Variants in SLC35F3 observed in about 807,000 individuals in gnomAD.
The protein encoded by SLC35F3 is putative thiamine transporter SLC35F3.
SLC35F3 carries 25 observed loss-of-function variants against 49.9 expected under a neutral mutation model. That is an observed-to-expected ratio of 0.50 (90% CI 0.37 to 0.70). The LOEUF is 0.70. Ranked by LOEUF, SLC35F3 falls within the 30% of genes least tolerant of loss-of-function variation. The pLI, the probability that SLC35F3 is intolerant of heterozygous loss-of-function variation, is 0.00. For synonymous variants in SLC35F3, 275 were observed against 265.4 expected, an observed-to-expected ratio of 1.04 and a Z score of -0.35; for missense variants, 525 against 639.8, an observed-to-expected ratio of 0.82 and a Z score of 1.94.
At chr1:234,005,483 A>G (rs1663615078) in intron 2 of SLC35F3, among the ~76,000 whole-genome samples, 1 of 152,158 alleles carries the variant, frequency 6.6e-6, no homozygotes, top group Non-Finnish European at 1.5e-5. Flanking sequence ...TGAAATGAAA[A>G]TAAACCTCCA....
At chr1:233,989,634 A>G (rs879496534) in intron 2 of SLC35F3, among the ~76,000 whole-genome samples, 12 of 152,192 alleles carry the variant, frequency 7.9e-5, no homozygotes, top group Admixed American at 1.3e-4. Context: ...TTCTAGTATT[A>G]TATGAATATT....
At position 234,272,846 on chromosome 1, in the gene SLC35F3, T is replaced by A. The variant is rs571229040; in HGVS notation, c.609-36255T>A. On this transcript the variant is annotated intron_variant, in intron 3 of 7. Coordinates refer to ENST00000366618, the MANE Select transcript of SLC35F3 (RefSeq NM_173508.4). ...GTTTGTTGTTCTCTTGCCTGGCTGC[T>A]GCTTCTCCCAGCCAGTGTGGACAGC... Among the ~76,000 whole-genome samples the A allele has an allele frequency of 5.3e-3, 809 of 152,314 alleles. 7 individuals carry two copies. The highest frequency in any genetic ancestry group is 0.041 in the Middle Eastern group (12 of 294).
intron 3 of SLC35F3, among the ~76,000 whole-genome samples, chr1:234,257,058 C>G (rs12039704): frequency 1.3e-5 from 2 of 152,054 alleles, no homozygotes; most frequent in African/African-American, 4.8e-5. Flanking sequence ...CAACTTAAAA[C>G]GGGTGCATTT....
intron 2 of SLC35F3, among the ~76,000 whole-genome samples, chr1:234,155,291 G>A (rs1467042532): frequency 2.0e-5 from 3 of 152,088 alleles, no homozygotes; most frequent in African/African-American, 7.2e-5. Flanking sequence ...CTTTGGGACA[G>A]ATTGTCTAAT....
intron 2 of SLC35F3, among the ~76,000 whole-genome samples, chr1:234,108,067 A>G (rs2102885499): frequency 6.6e-6 from 1 of 151,380 alleles, no homozygotes; most frequent in South Asian, 2.1e-4. Context: ...GCACTGCTTA[A>G]GTGCTAGCAT....
At chr1:233,922,660 C>T (rs1265695231) in intron 2 of SLC35F3, among the ~76,000 whole-genome samples, 2 of 152,098 alleles carry the variant, frequency 1.3e-5, no homozygotes, top group Non-Finnish European at 2.9e-5. Context: ...AATTAGATCC[C>T]ATTTGTCAAT....
chr1:234,296,492 G>C (rs998470346), intron 3 of SLC35F3, among the ~76,000 whole-genome samples: 2 of 152,198 alleles, frequency 1.3e-5, no homozygotes, highest in Non-Finnish European at 2.9e-5. Flanking sequence ...GGTTCAGAAG[G>C]TCCGTCCTTC....
At chr1:234,058,351 TTTTTTTTC>T (rs1664487610) in intron 2 of SLC35F3, among the ~76,000 whole-genome samples, 2 of 140,058 alleles carry the variant, frequency 1.4e-5, no homozygotes, top group African/African-American at 2.8e-5. Flanking sequence ...TTTTTTTTTT[TTTTTTTTC>T]AGTTAAACAG....
chr1:234,072,661 G>A (rs774987504), intron 2 of SLC35F3, among the ~76,000 whole-genome samples: 4 of 152,166 alleles, frequency 2.6e-5, no homozygotes, highest in Non-Finnish European at 4.4e-5. Context: ...GAAGAACGGT[G>A]TTCCAGGCAG....
At chr1:233,956,003 T>G (rs1048497348) in intron 2 of SLC35F3, among the ~76,000 whole-genome samples, 2 of 147,570 alleles carry the variant, frequency 1.4e-5, no homozygotes, top group African/African-American at 5.0e-5. Context: ...TTCTTCTGCC[T>G]CAGTCTCTCG....
rs552666225 is a variant in SLC35F3, at chr1:234,231,167, G to T, written c.284-250G>T. On this transcript the variant is annotated intron_variant, in intron 2 of 7. Transcript: ENST00000366618. The surrounding 1 kb of genome is among the most constrained non-coding windows in gnomAD (Gnocchi z 5.4). Reference sequence around the variant, plus strand: ...CCAACACGTTCCGGGGACGGACGGGGAAGGGTGCTGACGCTGCCCGGCCCA... The same window carrying T: ...CCAACACGTTCCGGGGACGGACGGGTAAGGGTGCTGACGCTGCCCGGCCCA... Among the ~76,000 whole-genome samples, 11 of 152,330 alleles carry T rather than the reference G, an allele frequency of 7.2e-5. No individual in the cohort carries two copies. Among genetic ancestry groups the T allele is most frequent in the Admixed American group, 5.9e-4 (9 of 15,306 alleles).
At chr1:234,221,960 C>G (rs114595574) in intron 2 of SLC35F3, among the ~76,000 whole-genome samples, 1,725 of 152,274 alleles carry the variant, frequency 0.011, 21 homozygotes, top group African/African-American at 0.022. Flanking sequence ...TAGCTATAGT[C>G]AGAGAGCAGA....
intron 3 of SLC35F3, among the ~76,000 whole-genome samples, chr1:234,267,863 CGG>C (rs1668020312): frequency 1.4e-5 from 2 of 142,194 alleles, no homozygotes; most frequent in Non-Finnish European, 1.5e-5. Flanking sequence ...GACAGGGCGG[CGG>C]GGCAGAGGTG....
At chr1:234,181,553 A>G (rs891719051) in intron 2 of SLC35F3, among the ~76,000 whole-genome samples, 4 of 152,154 alleles carry the variant, frequency 2.6e-5, no homozygotes, top group African/African-American at 7.2e-5. Flanking sequence ...GGTCTCTAAA[A>G]TATCTTTTAA....
At chr1:234,166,002 C>A (rs762193835) in intron 2 of SLC35F3, among the ~76,000 whole-genome samples, 3 of 152,160 alleles carry the variant, frequency 2.0e-5, no homozygotes, top group African/African-American at 7.2e-5. Flanking sequence ...CCTCCAGTTC[C>A]GTCCAAGTTG....
chr1:234,157,493 TA>T (rs150742162), intron 2 of SLC35F3, among the ~76,000 whole-genome samples: 1 of 151,998 alleles, frequency 6.6e-6, no homozygotes, highest in African/African-American at 2.4e-5. Flanking sequence ...TATTAATAAT[TA>T]AAAAAAAGAA....
intron 2 of SLC35F3, among the ~76,000 whole-genome samples, chr1:233,919,241 G>A (rs1406449974): frequency 2.0e-5 from 3 of 152,168 alleles, no homozygotes; most frequent in African/African-American, 7.2e-5. Context: ...TGTCCTGAGG[G>A]AAGGTGGAAA....
At chr1:234,130,578 C>T (rs1327270691) in intron 2 of SLC35F3, among the ~76,000 whole-genome samples, 1 of 149,818 alleles carries the variant, frequency 6.7e-6, no homozygotes, top group African/African-American at 2.5e-5. Context: ...GGTGGAGCTT[C>T]CAGTGAGCCG....
At chr1:234,018,058 T>C (rs1395390409) in intron 2 of SLC35F3, among the ~76,000 whole-genome samples, 1 of 151,840 alleles carries the variant, frequency 6.6e-6, no homozygotes, top group Non-Finnish European at 1.5e-5. Flanking sequence ...GTTTACAATA[T>C]GGGAGATGAA....
Sources: gnomAD v4.1 joint callset for allele counts (sites outside exome capture counted in the v4.1 genomes callset) on GRCh38, gnomAD v4.1.1 for gene constraint, Gnocchi (gnomAD v3.1) non-coding constraint, MANE v1.5 for transcripts, NCBI Gene and HGNC (gene_info 2026-07-23, HGNC 2026-07-21) for gene names.